Variants in CPSF2 observed in about 807,000 individuals in gnomAD.
The protein encoded by CPSF2 is cleavage and polyadenylation specific factor 2.
A neutral mutation model predicts 84.2 loss-of-function variants in CPSF2; 51 were observed. That is an observed-to-expected ratio of 0.61 (90% confidence interval 0.48 to 0.77). The LOEUF (loss-of-function observed/expected upper bound fraction) is 0.77. Among genes scored for constraint, CPSF2 ranks in the 30% least tolerant of loss-of-function variants. The probability of loss-of-function intolerance (pLI) is 0.00; values close to 1 mark genes in which losing one functional copy is unlikely to be tolerated. For missense variants in CPSF2, 641 were observed against 929.4 expected, an observed-to-expected ratio of 0.69 and a Z score of 4.03; for synonymous variants, 286 against 311.9, an observed-to-expected ratio of 0.92 and a Z score of 0.87.
chr14:92,161,620 G>A (rs1188337704), intron 15 of CPSF2, 32 bp from the exon 16 acceptor site: 2 of 1,455,890 alleles, frequency 1.4e-6, no homozygotes, highest in African/African-American at 1.4e-5. Context: ...AATAGAAAAT[G>A]TACTAAAGAA....
In CPSF2 at chr14:92,169,176, C is replaced by T. The variant is rs2069487884; in HGVS notation, c.*7432C>T. ...CTTTATTCCAAGGGTGCTGCCACTG[C>T]CCTTGTTTTAAATATTTTTGGAACT... On this transcript the variant is annotated 3_prime_UTR_variant, in exon 16 of 16. Coordinates refer to ENST00000298875, the MANE Select transcript of CPSF2 (RefSeq NM_017437.3). The T allele has an allele frequency of 6.6e-6, 1 of 152,144 alleles. No homozygotes were observed. The highest frequency in any genetic ancestry group is 2.4e-5 in the African/African-American group (1 of 41,436). 9.4% of individuals were successfully genotyped at this position (152,144 alleles called of 1,614,324 possible).
intron 1 of CPSF2, among the ~76,000 whole-genome samples, chr14:92,123,352 C>A (rs937536056): frequency 2.0e-5 from 3 of 152,020 alleles, no homozygotes; most frequent in Admixed American, 1.3e-4. Flanking sequence ...TATCCGCCTG[C>A]CTCGGCCTCC....
At chr14:92,145,578 T>G (rs1339190812) in intron 9 of CPSF2, among the ~76,000 whole-genome samples, 1 of 152,226 alleles carries the variant, frequency 6.6e-6, no homozygotes, top group Non-Finnish European at 1.5e-5. Flanking sequence ...TATAGCAAAG[T>G]AAAATGGTGT....
intron 1 of CPSF2, among the ~76,000 whole-genome samples, chr14:92,125,476 C>A (rs887778095): frequency 6.6e-6 from 1 of 152,208 alleles, no homozygotes; most frequent in East Asian, 1.9e-4. Context: ...AATACTTTCG[C>A]TTTTTATCTC....
rs2069481370 is a variant in CPSF2, at chr14:92,168,615, C to T, written c.*6871C>T. 6.6e-6 allele frequency: 1 copy of T among 151,858 alleles called. No individual in the cohort carries two copies. The highest frequency in any genetic ancestry group is 2.4e-5 in the African/African-American group (1 of 41,298). The allele number at this position is 151,858 out of a possible 1,614,324, so 9.4% of individuals were successfully genotyped here. ...AAGTTTGGAGAGTTTGAAATCTCTCCTCGTGGCTGGACGCCGTGGCTCACA... is the reference window on the plus strand; with the variant it reads ...AAGTTTGGAGAGTTTGAAATCTCTCTTCGTGGCTGGACGCCGTGGCTCACA... On this transcript the variant is annotated 3_prime_UTR_variant, in exon 16 of 16. Coordinates refer to ENST00000298875, the MANE Select transcript of CPSF2 (RefSeq NM_017437.3).
At chr14:92,136,469 G>T (rs1186870152) in intron 6 of CPSF2, among the ~76,000 whole-genome samples, 1 of 152,182 alleles carries the variant, frequency 6.6e-6, no homozygotes, top group African/African-American at 2.4e-5. Context: ...AATGCTGAGG[G>T]CAGTCAGGCC....
intron 11 of CPSF2, 97 bp from the exon 12 acceptor site, chr14:92,156,382 A>T (rs2069290390): frequency 3.6e-6 from 3 of 834,878 alleles, no homozygotes; most frequent in Non-Finnish European, 5.5e-6. Flanking sequence ...ATCTTGAGAT[A>T]TGTGAGGACT....
chr14:92,140,740 C>A (rs1410601118), intron 7 of CPSF2, among the ~76,000 whole-genome samples: 1 of 151,838 alleles, frequency 6.6e-6, no homozygotes, highest in Non-Finnish European at 1.5e-5. Context: ...CCGCAATCCC[C>A]ATCTCTACAA....
rs897001603 is a variant in CPSF2 at position 92,169,513 on chromosome 14, T to A, written c.*7769T>A. On this transcript the variant is annotated 3_prime_UTR_variant, in exon 16 of 16. Coordinates refer to ENST00000298875, the MANE Select transcript of CPSF2 (RefSeq NM_017437.3). ...TTATAAGGTTACTATAATTTCCAAC[T>A]TCACCCATAGGTCATGGTATAGTTG... is the stretch of plus-strand genomic sequence containing the variant. 2.6e-5 allele frequency: 4 copies of A among 152,168 alleles called. No homozygotes were observed. The highest frequency in any genetic ancestry group is 9.7e-5 in the African/African-American group (4 of 41,450). 9.4% of individuals were successfully genotyped at this position (152,168 alleles called of 1,614,324 possible). A position where few individuals can be genotyped will look rare whatever the true frequency, so the allele number is the denominator to read the frequency against.
chr14:92,134,396 G>A (rs572034512), intron 5 of CPSF2, 41 bp downstream of exon 5: 4 of 1,311,842 alleles, frequency 3.0e-6, no homozygotes, highest in Non-Finnish European at 4.3e-6. Flanking sequence ...GATGAATGGG[G>A]TTTAACTTGC....
chr14:92,122,234 C>T lies in CPSF2; in HGVS notation c.-94+106C>T, dbSNP rs185351986. 787 of 287,088 alleles carry T rather than the reference C, an allele frequency of 2.7e-3. 3 individuals are homozygous for T. Among genetic ancestry groups the T allele is most frequent in the Middle Eastern group, 0.015 (11 of 732 alleles). The allele number at this position is 287,088 out of a possible 1,614,324, so 17.8% of individuals were successfully genotyped here. A position where few individuals can be genotyped will look rare whatever the true frequency, so the allele number is the denominator to read the frequency against. On this transcript the variant is annotated intron_variant, in intron 1 of 15. Coordinates refer to ENST00000298875, the MANE Select transcript of CPSF2 (RefSeq NM_017437.3). The stretch of plus-strand genomic sequence containing the variant: ...ACTCCGACCCGGTCTCCCCCGAGGA[C>T]TCGCCCCCGCCGCTTCGGCTGCGAC...
intron 9 of CPSF2, 104 bp downstream of exon 9, chr14:92,143,398 A>G (rs2069104509): frequency 2.4e-6 from 2 of 839,532 alleles, no homozygotes; most frequent in African/African-American, 3.4e-5. Flanking sequence ...TTGTTTTAGG[A>G]TTTTTATCAG....
intron 6 of CPSF2, among the ~76,000 whole-genome samples, chr14:92,136,135 CAG>C (rs1409874074): frequency 6.6e-6 from 1 of 152,218 alleles, no homozygotes; most frequent in Non-Finnish European, 1.5e-5. Context: ...ATGTGGCACT[CAG>C]AGCATTACTA....
rs960651754 is a variant in CPSF2, at chr14:92,165,116, T to A, written c.*3372T>A. On this transcript the variant is annotated 3_prime_UTR_variant, in exon 16 of 16. Transcript: ENST00000298875. ...GTAACATGTATCAGTACCCTTTTTG[T>A]GACTGAATATTATTCCACCGAATGG... 6.6e-6 allele frequency: 1 copy of A among 152,228 alleles called. No homozygotes were observed. The highest frequency in any genetic ancestry group is 2.4e-5 in the African/African-American group (1 of 41,452). 9.4% of individuals were successfully genotyped at this position (152,228 alleles called of 1,614,324 possible). A position where few individuals can be genotyped will look rare whatever the true frequency, so the allele number is the denominator to read the frequency against.
rs34334559 is a variant in CPSF2, at chr14:92,150,126, A to ATTT, written c.1141-4224_1141-4222dup. Among the ~76,000 whole-genome samples the ATTT allele has an allele frequency of 6.3e-3, 926 of 147,974 alleles. 3 individuals are homozygous for ATTT. The highest frequency in any genetic ancestry group is 0.01 in the Non-Finnish European group (693 of 66,994). On this transcript the variant is annotated intron_variant, in intron 9 of 15. Transcript: ENST00000298875. ...CTGGGAACACCTTTTTTTTGTTGGT[A>ATTT]TTTTTTTTTTCTTGTGTTTGAGACG...
rs758145314 is a variant in CPSF2, at chr14:92,131,148, A to G, written c.149+15A>G. ...TCCCTGAGGAAGTAAGTTACATTTC[A>G]TAATTCTATGTTTTTATTAAATCAA... On this transcript the variant is annotated intron_variant, in intron 3 of 15. Coordinates refer to ENST00000298875, the MANE Select transcript of CPSF2 (RefSeq NM_017437.3). 5 of 1,583,510 alleles carry G rather than the reference A, an allele frequency of 3.2e-6. No individual in the cohort carries two copies. In the South Asian group the frequency reaches 5.8e-5, roughly 18 times the overall value.
chr14:92,155,190 A>C lies in CPSF2; in HGVS notation c.1309A>C (p.Thr437Pro), dbSNP rs2069272919. ...EDIDQPSAHK[T>P]KHDLMMKGEG... ...TATTGACCAGCCATCAGCTCATAAG[A>C]CGAAGCATGACTTGATGATGAAAGG... The change falls in exon 11 of 16, where the codon ACG (threonine) becomes CCG (proline). Residue 437 changes from threonine to proline, a missense_variant. This residue lies in a region of CPSF2 where 430 missense variants were observed against 553.6 expected (regional missense o/e 0.78). Coordinates refer to ENST00000298875, the MANE Select transcript of CPSF2 (RefSeq NM_017437.3). The C allele has an allele frequency of 6.2e-7, 1 of 1,614,044 alleles. No homozygotes were observed. Among genetic ancestry groups the C allele is most frequent in the Non-Finnish European group, 8.5e-7 (1 of 1,179,926 alleles).
chr14:92,148,641 A>G (rs868551370), intron 9 of CPSF2, among the ~76,000 whole-genome samples: 78 of 148,718 alleles, frequency 5.2e-4, no homozygotes, highest in African/African-American at 1.9e-3. Context: ...CCTGGTTTTT[A>G]TTTTATTTTT....
chr14:92,122,642 C>T (rs887517994), intron 1 of CPSF2, among the ~76,000 whole-genome samples: 1 of 151,772 alleles, frequency 6.6e-6, no homozygotes, highest in Non-Finnish European at 1.5e-5. Context: ...TTCGCGCCCT[C>T]CCGCCATCGC....
Sources: allele counts gnomAD v4.1 joint callset (sites outside exome capture counted in the v4.1 genomes callset), GRCh38; gene constraint gnomAD v4.1.1; regional missense constraint gnomAD v4.1.1; transcripts MANE v1.5; gene names NCBI Gene and HGNC (gene_info 2026-07-23, HGNC 2026-07-21).